The following GRM8 variants were observed in gnomAD, a reference collection of about 807,000 sequenced individuals.
The protein encoded by GRM8 is metabotropic glutamate receptor 8.
Under a neutral mutation model 87.2 loss-of-function variants are expected in GRM8, and 47 were observed. The observed-to-expected ratio is 0.54, with a 90% CI of 0.43 to 0.69. GRM8 has a LOEUF of 0.69. Among genes scored for constraint, GRM8 ranks in the 30% least tolerant of loss-of-function variants. GRM8 has a pLI of 0.00. For missense variants in GRM8, 1,019 were observed against 1,139.2 expected (o/e 0.89, Z 1.52); for synonymous variants, 396 against 404.5 (o/e 0.98, Z 0.25).
intron 7 of GRM8, among the ~76,000 whole-genome samples, chr7:126,649,599 T>C (rs1470708421): frequency 6.6e-6 from 1 of 152,218 alleles, no homozygotes; most frequent in Non-Finnish European, 1.5e-5. Context: ...ATACAGATTT[T>C]GGTACCTGGA....
chr7:126,931,217 T>C (rs1805729870), intron 3 of GRM8, among the ~76,000 whole-genome samples: 1 of 152,188 alleles, frequency 6.6e-6, no homozygotes, highest in Non-Finnish European at 1.5e-5. Context: ...TGACAAGAGC[T>C]CCTACAATTG....
intron 6 of GRM8, among the ~76,000 whole-genome samples, chr7:126,771,697 A>AT (rs1446438983): frequency 6.6e-6 from 1 of 152,040 alleles, no homozygotes; most frequent in Non-Finnish European, 1.5e-5. Flanking sequence ...CTATCGTCCC[A>AT]TATTTCCAAT....
At chr7:126,770,502 T>C (rs1287992954) in intron 6 of GRM8, among the ~76,000 whole-genome samples, 7 of 152,106 alleles carry the variant, frequency 4.6e-5, no homozygotes, top group East Asian at 1.9e-4. Context: ...GTTCTAATTT[T>C]GAATGTGCTC....
At chr7:126,691,713 C>T (rs1421448450) in intron 7 of GRM8, among the ~76,000 whole-genome samples, 1 of 152,058 alleles carries the variant, frequency 6.6e-6, no homozygotes, top group Non-Finnish European at 1.5e-5. Flanking sequence ...TACTGGGGCC[C>T]CCACAAGGAT....
intron 7 of GRM8, among the ~76,000 whole-genome samples, chr7:126,715,807 T>C (rs1811675616): frequency 6.6e-6 from 1 of 152,214 alleles, no homozygotes. Context: ...TTTTGTAGGC[T>C]GAGGTAACCT....
At chr7:126,584,895 T>A (rs1056939512) in intron 8 of GRM8, among the ~76,000 whole-genome samples, 1 of 152,134 alleles carries the variant, frequency 6.6e-6, no homozygotes, top group African/African-American at 2.4e-5. Context: ...ATTAAAACAA[T>A]GGTAAGCAAA....
At chr7:127,184,157 G>A (rs1243077928) in intron 2 of GRM8, among the ~76,000 whole-genome samples, 1 of 151,730 alleles carries the variant, frequency 6.6e-6, no homozygotes, top group Admixed American at 6.6e-5. Flanking sequence ...CATTCTATGA[G>A]TCCAGAATTA....
At chr7:126,572,465 T>G (rs555839125) in intron 8 of GRM8, among the ~76,000 whole-genome samples, 2 of 152,332 alleles carry the variant, frequency 1.3e-5, no homozygotes, top group African/African-American at 4.8e-5. Flanking sequence ...TGCTGGAGGA[T>G]GCCAAGTTAC....
chr7:127,182,500 A>G (rs1794505258), intron 2 of GRM8, among the ~76,000 whole-genome samples: 1 of 152,094 alleles, frequency 6.6e-6, no homozygotes, highest in Non-Finnish European at 1.5e-5. Context: ...CTGGGTATCT[A>G]GCCAGAAGAA....
intron 6 of GRM8, among the ~76,000 whole-genome samples, chr7:126,788,420 A>AAAAAAAAAC: frequency 1.2e-5 from 1 of 81,134 alleles, no homozygotes; most frequent in Middle Eastern, 8.5e-3. Context: ...AAAAAAAAAA[A>AAAAAAAAAC]AAACCCTTTC....
At chr7:127,200,998 A>T (rs1421746177) in intron 2 of GRM8, among the ~76,000 whole-genome samples, 1 of 152,208 alleles carries the variant, frequency 6.6e-6, no homozygotes, top group African/African-American at 2.4e-5. Context: ...ACAAGTGCAC[A>T]GCTTTATTAT....
chr7:126,476,904 T>C (rs1166294056), intron 9 of GRM8, among the ~76,000 whole-genome samples: 1 of 152,138 alleles, frequency 6.6e-6, no homozygotes, highest in East Asian at 1.9e-4. Context: ...CTAAAATGAA[T>C]GAAATCAGTA....
At chr7:126,589,719 A>G (rs1796496587) in intron 8 of GRM8, among the ~76,000 whole-genome samples, 1 of 152,128 alleles carries the variant, frequency 6.6e-6, no homozygotes, top group Admixed American at 6.6e-5. Context: ...GCCCTCACAG[A>G]ATGCATTTCA....
Position 126,601,282 on chromosome 7 carries a change from T to C in GRM8, c.1494+8080A>G, listed in dbSNP as rs1797733496. Among the ~76,000 whole-genome samples, 9 of 152,132 alleles carry C rather than the reference T, an allele frequency of 5.9e-5. No individual in the cohort carries two copies. The South Asian group carries it at 1.9e-3, about 32-fold the overall frequency. On this transcript the variant is annotated intron_variant, in intron 8 of 10. Transcript: ENST00000339582. ...GAACTCATCATTTTTTATGGCTGCA[T>C]AGTATTCCGTGGTGTATATGCGCCA...
intron 6 of GRM8, among the ~76,000 whole-genome samples, chr7:126,882,308 G>C (rs1486853692): frequency 6.6e-6 from 1 of 151,312 alleles, no homozygotes; most frequent in Admixed American, 6.6e-5. Context: ...TCAGGTTTTT[G>C]CTTATTTTGC....
At chr7:127,146,203 AG>A (rs968769793) in intron 2 of GRM8, among the ~76,000 whole-genome samples, 1 of 152,028 alleles carries the variant, frequency 6.6e-6, no homozygotes, top group Admixed American at 6.6e-5. Flanking sequence ...TAATATAGAT[AG>A]GTCTCATAGG....
At chr7:126,514,035 A>G (rs904336104) in intron 9 of GRM8, among the ~76,000 whole-genome samples, 1 of 152,142 alleles carries the variant, frequency 6.6e-6, no homozygotes, top group Admixed American at 6.6e-5. Flanking sequence ...GCATTTGTTC[A>G]TTTCTTCAAA....
intron 10 of GRM8, among the ~76,000 whole-genome samples, chr7:126,441,982 T>C (rs1366111104): frequency 7.6e-6 from 1 of 132,290 alleles, no homozygotes; most frequent in African/African-American, 2.9e-5. Context: ...TTAAATTACA[T>C]TCTATTCCCT....
chr7:126,915,450 C>T (rs1315823191), intron 3 of GRM8, among the ~76,000 whole-genome samples: 3 of 152,176 alleles, frequency 2.0e-5, no homozygotes, highest in Non-Finnish European at 4.4e-5. Context: ...TTCTAGAAAC[C>T]TCAAATTTCA....
Sources: gnomAD v4.1 joint callset for allele counts (sites outside exome capture counted in the v4.1 genomes callset) on GRCh38, gnomAD v4.1.1 for gene constraint, MANE v1.5 for transcripts, NCBI Gene and HGNC (gene_info 2026-07-23, HGNC 2026-07-21) for gene names.